The following LMNTD1 variants were observed in gnomAD, a reference collection of about 807,000 sequenced individuals.
LMNTD1 encodes the protein lamin tail domain-containing protein 1.
LMNTD1 carries 35 observed loss-of-function variants against 50.9 expected under a neutral mutation model. The ratio of observed to expected loss-of-function variants is 0.69; its 90% CI spans 0.53 to 0.91. LMNTD1 has a LOEUF of 0.91. Among genes scored for constraint, LMNTD1 ranks in the 40% least tolerant of loss-of-function variants. LMNTD1 has a pLI of 0.00. For synonymous variants in LMNTD1, 153 were observed against 161.9 expected (o/e 0.94, Z 0.42); for missense variants, 470 against 475.5 (o/e 0.99, Z 0.11).
At chr12:25,606,497 A>T (rs1946107299) in intron 1 of LMNTD1, among the ~76,000 whole-genome samples, 1 of 152,140 alleles carries the variant, frequency 6.6e-6, no homozygotes, top group Non-Finnish European at 1.5e-5. Flanking sequence ...TTATTTTGAG[A>T]TACATCCCAT....
rs1206594013 is a variant in LMNTD1 at position 25,627,583 on chromosome 12, C to T, written c.58+20911G>A. Among the ~76,000 whole-genome samples the T allele has an allele frequency of 2.6e-5, 4 of 152,170 alleles. No individual in the cohort carries two copies. The East Asian group carries it at 7.7e-4, about 29-fold the overall frequency. ...AAATATTTTGGGAGAGAGATCCTCA[C>T]ATGTCACACACAGTTAATTCACCTA... On this transcript the variant is annotated intron_variant, in intron 1 of 7. Coordinates refer to the LMNTD1 transcript ENST00000445693.
At chr12:25,577,798 C>G (rs1443038843) in intron 1 of LMNTD1, among the ~76,000 whole-genome samples, 1 of 152,174 alleles carries the variant, frequency 6.6e-6, no homozygotes, top group East Asian at 1.9e-4. Flanking sequence ...TTTGCCCATT[C>G]AGTATGATAT....
rs1938259232 is a variant in LMNTD1, at chr12:25,476,214, T to C, written c.*269A>G. ...CTAAGGCAAATAGCAATTTTATCCA[T>C]TGAATAATACTAACCATCTGCTTGT... On this transcript the variant is annotated 3_prime_UTR_variant, in exon 10 of 10. Coordinates refer to ENST00000458174, the MANE Select transcript of LMNTD1 (RefSeq NM_001145728.2). 6.6e-6 allele frequency: 1 copy of C among 152,262 alleles called. No homozygotes were observed. The highest frequency in any genetic ancestry group is 2.4e-5 in the African/African-American group (1 of 41,472). 9.4% of individuals were successfully genotyped at this position (152,262 alleles called of 1,614,324 possible).
At chr12:25,606,822 G>A (rs996590477) in intron 1 of LMNTD1, among the ~76,000 whole-genome samples, 1 of 152,114 alleles carries the variant, frequency 6.6e-6, no homozygotes, top group Non-Finnish European at 1.5e-5. Context: ...GCCAGGCTTT[G>A]GTATCAGGAT....
chr12:25,632,110 GA>G (rs1946731581), intron 1 of LMNTD1, among the ~76,000 whole-genome samples: 1 of 152,126 alleles, frequency 6.6e-6, no homozygotes, highest in South Asian at 2.1e-4. Context: ...AAAGAAAAAA[GA>G]ATAAGAAAAT....
intron 1 of LMNTD1, among the ~76,000 whole-genome samples, chr12:25,563,681 G>A (rs1043628809): frequency 1.3e-5 from 2 of 152,182 alleles, no homozygotes; most frequent in African/African-American, 2.4e-5. Flanking sequence ...CTGTCAGACA[G>A]GGATGTTTAA....
intron 1 of LMNTD1, among the ~76,000 whole-genome samples, chr12:25,564,425 A>AT (rs1292388560): frequency 6.6e-6 from 1 of 151,784 alleles, no homozygotes; most frequent in Non-Finnish European, 1.5e-5. Context: ...CGCCTGACTA[A>AT]TTTTTGTATT....
At chr12:25,551,869 T>C (rs995094766) in intron 2 of LMNTD1, among the ~76,000 whole-genome samples, 2 of 152,212 alleles carry the variant, frequency 1.3e-5, no homozygotes, top group African/African-American at 2.4e-5. Context: ...CATAAGTAAT[T>C]TTCTAAGCCC....
chr12:25,571,183 T>G (rs917281471), intron 1 of LMNTD1, among the ~76,000 whole-genome samples: 1 of 152,086 alleles, frequency 6.6e-6, no homozygotes, highest in African/African-American at 2.4e-5. Flanking sequence ...AGGAGACAAA[T>G]TACCTCAGCA....
intron 1 of LMNTD1, among the ~76,000 whole-genome samples, chr12:25,617,839 G>A (rs1014771160): frequency 1.3e-5 from 2 of 152,220 alleles, no homozygotes; most frequent in Non-Finnish European, 2.9e-5. Flanking sequence ...CTTCTTGCAT[G>A]AGGCAAGAGA....
rs1438641780 is a variant in LMNTD1 at position 25,644,670 on chromosome 12, A to G, written c.58+3824T>C. ...ATTTGGGAGTTCACAGAACTTGCGT[A>G]TATGTTGCCTGGAATGACACCATGT... On this transcript the variant is annotated intron_variant, in intron 1 of 7. Transcript: ENST00000445693. Among the ~76,000 whole-genome samples the G allele has an allele frequency of 2.0e-5, 3 of 152,320 alleles. No individual in the cohort carries two copies. The East Asian group carries it at 5.8e-4, about 29-fold the overall frequency.
At chr12:25,573,291 A>T (rs1202309225) in intron 1 of LMNTD1, among the ~76,000 whole-genome samples, 1 of 152,048 alleles carries the variant, frequency 6.6e-6, no homozygotes, top group African/African-American at 2.4e-5. Context: ...CCAATTGCCT[A>T]CTACAAGTTC....
chr12:25,557,439 C>T (rs1168659616), upstream of LMNTD1: 2 of 152,186 alleles, frequency 1.3e-5, no homozygotes, highest in African/African-American at 4.8e-5. Context: ...TGGTTTGAAT[C>T]CTCAGACATA....
intron 1 of LMNTD1, among the ~76,000 whole-genome samples, chr12:25,559,863 CA>C (rs1944220297): frequency 6.6e-6 from 1 of 152,144 alleles, no homozygotes; most frequent in Non-Finnish European, 1.5e-5. Context: ...AGTGTCTGTT[CA>C]TATCCTTTGC....
At chr12:25,585,301 C>T (rs1945473261) in intron 1 of LMNTD1, among the ~76,000 whole-genome samples, 1 of 152,222 alleles carries the variant, frequency 6.6e-6, no homozygotes, top group South Asian at 2.1e-4. Context: ...TTGTGAAATA[C>T]TATGGACTTG....
At chr12:25,548,215 C>T (rs960932201) in intron 3 of LMNTD1, among the ~76,000 whole-genome samples, 4 of 151,134 alleles carry the variant, frequency 2.6e-5, no homozygotes, top group Non-Finnish European at 5.9e-5. Flanking sequence ...AAAAAAAAAC[C>T]CTATATAACC....
intron 1 of LMNTD1, among the ~76,000 whole-genome samples, chr12:25,565,646 GT>G (rs1944527151): frequency 1.3e-5 from 2 of 152,098 alleles, no homozygotes; most frequent in South Asian, 4.1e-4. Flanking sequence ...GTGTTATAAT[GT>G]TCTGTGTTTT....
intron 1 of LMNTD1, among the ~76,000 whole-genome samples, chr12:25,619,252 C>CTCTCTCTCTCTCTCTATA (rs1374134268): frequency 1.5e-4 from 13 of 84,440 alleles, no homozygotes; most frequent in African/African-American, 5.6e-4. Context: ...CTCTCTCTCT[C>CTCTCTCTCTCTCTCTATA]TATATATATA....
At chr12:25,527,097 A>G (rs1565974456) in intron 4 of LMNTD1, 142 bp from the exon 5 acceptor site, 8 of 502,354 alleles carry the variant, frequency 1.6e-5, no homozygotes, top group Non-Finnish European at 2.7e-5. Context: ...GGAATAGTAT[A>G]TTTTGTAACC....
Sources: allele counts gnomAD v4.1 joint callset (sites outside exome capture counted in the v4.1 genomes callset), GRCh38; gene constraint gnomAD v4.1.1; transcripts MANE v1.5; gene names NCBI Gene and HGNC (gene_info 2026-07-23, HGNC 2026-07-21).